ZNF438: variants seen among roughly 807,000 people sequenced by gnomAD.
ZNF438 encodes zinc finger protein 438.
A neutral mutation model predicts 38.0 loss-of-function variants in ZNF438; 25 were observed. The ratio of observed to expected loss-of-function variants is 0.66; its 90% CI spans 0.48 to 0.92. The LOEUF (loss-of-function observed/expected upper bound fraction) is 0.92. Ranked by LOEUF, ZNF438 falls within the 40% of genes least tolerant of loss-of-function variation. The pLI, the probability that ZNF438 is intolerant of heterozygous loss-of-function variation, is 0.00. For synonymous variants in ZNF438, 372 were observed against 364.1 expected (o/e 1.02, Z -0.25); for missense variants, 1,007 against 999.6 (o/e 1.01, Z -0.10).
exon 6 of ZNF438, chr10:30,844,901 G>C (rs978756854): frequency 5.8e-6 from 9 of 1,558,482 alleles, no homozygotes; most frequent in Non-Finnish European, 7.8e-6. Flanking sequence ...CATAAAGCAC[G>C]AAGCTCTGAA....
intron 2 of ZNF438, among the ~76,000 whole-genome samples, chr10:30,929,575 CACAA>C (rs753228736): frequency 7.2e-5 from 11 of 152,200 alleles, no homozygotes; most frequent in South Asian, 2.1e-4. Context: ...ACAAAGCTTT[CACAA>C]ACAAAGTACG....
At chr10:30,949,648 C>A (rs1474055759) in intron 1 of ZNF438, among the ~76,000 whole-genome samples, 1 of 150,912 alleles carries the variant, frequency 6.6e-6, no homozygotes, top group African/African-American at 2.5e-5. Flanking sequence ...TCAAAAGAGA[C>A]AAGGCCATTA....
intron 1 of ZNF438, among the ~76,000 whole-genome samples, chr10:30,946,509 A>G (rs919226457): frequency 1.8e-4 from 27 of 152,252 alleles, no homozygotes; most frequent in African/African-American, 6.0e-4. Flanking sequence ...AAAAAAACAA[A>G]CAACCCCATC....
chr10:30,967,871 T>C (rs1309201034), intron 1 of ZNF438, among the ~76,000 whole-genome samples: 1 of 152,132 alleles, frequency 6.6e-6, no homozygotes, highest in Non-Finnish European at 1.5e-5. Context: ...CAGAAGGAAC[T>C]ACACAGGAAA....
chr10:31,006,462 T>C (rs1398070495), intron 1 of ZNF438, among the ~76,000 whole-genome samples: 3 of 152,266 alleles, frequency 2.0e-5, no homozygotes, highest in East Asian at 3.9e-4. Context: ...GGGAGTTCCT[T>C]GCCCCTTCCA....
intron 3 of ZNF438, among the ~76,000 whole-genome samples, chr10:30,902,117 T>G (rs995576928): frequency 2.0e-5 from 3 of 152,156 alleles, no homozygotes; most frequent in Admixed American, 2.0e-4. Flanking sequence ...TTCCACAGTG[T>G]GGAAGACTAC....
intron 1 of ZNF438, among the ~76,000 whole-genome samples, chr10:31,017,222 C>T (rs1160472807): frequency 6.6e-6 from 1 of 152,194 alleles, no homozygotes; most frequent in Non-Finnish European, 1.5e-5. Flanking sequence ...GAAGGCAAGT[C>T]CCTTGGTTCA....
intron 1 of ZNF438, among the ~76,000 whole-genome samples, chr10:31,022,540 C>T (rs893997955): frequency 2.6e-5 from 4 of 152,262 alleles, no homozygotes; most frequent in African/African-American, 7.2e-5. Context: ...GGATTACAGG[C>T]GTGAGCCACC....
intron 4 of ZNF438, among the ~76,000 whole-genome samples, chr10:30,860,704 A>C (rs2035433417): frequency 6.6e-6 from 1 of 152,196 alleles, no homozygotes; most frequent in Non-Finnish European, 1.5e-5. Context: ...TAAAGTGCTA[A>C]TTGGATTAAC....
intron 4 of ZNF438, among the ~76,000 whole-genome samples, chr10:30,856,659 T>C (rs1487110779): frequency 6.6e-6 from 1 of 152,192 alleles, no homozygotes; most frequent in South Asian, 2.1e-4. Context: ...ACATTCATAA[T>C]TTCTGGAAAT....
intron 5 of ZNF438, among the ~76,000 whole-genome samples, chr10:30,847,226 T>C (rs954769129): frequency 5.3e-5 from 8 of 152,324 alleles, no homozygotes; most frequent in African/African-American, 1.4e-4. Flanking sequence ...TGGGAACTTG[T>C]GGTGCTTTTC....
exon 5 of ZNF438, chr10:30,848,605 G>A: frequency 6.2e-7 from 1 of 1,614,014 alleles, no homozygotes; most frequent in Non-Finnish European, 8.5e-7. Context: ...GCAGTTCACT[G>A]GGCGCAGGCT....
intron 1 of ZNF438, among the ~76,000 whole-genome samples, chr10:30,947,479 T>A (rs1031521930): frequency 4.6e-5 from 7 of 152,246 alleles, no homozygotes; most frequent in Admixed American, 2.0e-4. Context: ...TGTCTTTTTG[T>A]TTGTCTGTGC....
chr10:30,874,655 T>C (rs952953593), intron 4 of ZNF438, among the ~76,000 whole-genome samples: 2 of 152,070 alleles, frequency 1.3e-5, no homozygotes, highest in Non-Finnish European at 2.9e-5. Flanking sequence ...ATTTAAGTTA[T>C]AATTTCTGCT....
intron 2 of ZNF438, among the ~76,000 whole-genome samples, chr10:30,930,121 G>A (rs1270034346): frequency 6.6e-6 from 1 of 151,778 alleles, no homozygotes; most frequent in Non-Finnish European, 1.5e-5. Context: ...TGCCCGTAGG[G>A]GAGGCTCAGG....
chr10:30,947,534 G>A (rs2047564759), intron 1 of ZNF438, among the ~76,000 whole-genome samples: 1 of 152,264 alleles, frequency 6.6e-6, no homozygotes, highest in African/African-American at 2.4e-5. Context: ...AGGCCTCCTT[G>A]AGCTGTGGTG....
intron 3 of ZNF438, among the ~76,000 whole-genome samples, chr10:30,879,455 A>G (rs891642435): frequency 9.2e-5 from 14 of 152,256 alleles, no homozygotes; most frequent in African/African-American, 3.4e-4. Context: ...AATGACTGAC[A>G]TCTAATAAAA....
chr10:30,899,288 A>G (rs1389068145), intron 3 of ZNF438, among the ~76,000 whole-genome samples: 1 of 152,220 alleles, frequency 6.6e-6, no homozygotes, highest in African/African-American at 2.4e-5. Flanking sequence ...ATGCTAAATA[A>G]AGATTATATA....
chr10:30,884,183 T>A (rs185359777), intron 3 of ZNF438, among the ~76,000 whole-genome samples: 1 of 152,210 alleles, frequency 6.6e-6, no homozygotes, highest in Non-Finnish European at 1.5e-5. Flanking sequence ...TGGTATTTCA[T>A]GTAGGACACC....
Sources: gnomAD v4.1 joint callset for allele counts (sites outside exome capture counted in the v4.1 genomes callset) on GRCh38, gnomAD v4.1.1 for gene constraint, MANE v1.5 for transcripts, NCBI Gene and HGNC (gene_info 2026-07-23, HGNC 2026-07-21) for gene names.